Variants in PTPN21 observed in about 807,000 individuals in gnomAD.
PTPN21 encodes the protein protein tyrosine phosphatase non-receptor type 21.
In PTPN21, 77 loss-of-function variants were observed where a neutral mutation model predicts 131.8. The observed-to-expected ratio is 0.58, with a 90% CI of 0.49 to 0.71. The LOEUF is 0.71. PTPN21 is among the 30% of genes least tolerant of loss of function. PTPN21 has a pLI of 0.00. For missense variants in PTPN21, 1,552 were observed against 1,527.1 expected (o/e 1.02, Z -0.27); for synonymous variants, 715 against 621.3 (o/e 1.15, Z -2.24).
At chr14:88,485,046 G>C (rs765854992) in intron 12 of PTPN21, 30 bp downstream of exon 12, 7 of 1,513,142 alleles carry the variant, frequency 4.6e-6, no homozygotes, top group Non-Finnish European at 6.4e-6. Context: ...TCATAACTAT[G>C]TAAGGCATGG....
chr14:88,501,065 T>G (rs1481276037), intron 7 of PTPN21, 194 bp from the exon 8 acceptor site: 1 of 642,262 alleles, frequency 1.6e-6, no homozygotes, highest in East Asian at 2.7e-5. Flanking sequence ...TTGGCCCTCC[T>G]TAGGAACTCT....
In PTPN21 at chr14:88,477,446, TAAAAAAA is replaced by T. The variant is rs59381948; in HGVS notation, c.2511+1467_2511+1473del. Among the ~76,000 whole-genome samples the T allele has an allele frequency of 2.7e-4, 21 of 76,384 alleles. No homozygotes were observed. The South Asian group carries it at 4.8e-3, about 17-fold the overall frequency. 50.1% of individuals were successfully genotyped at this position (76,384 alleles called of 152,430 possible). On this transcript the variant is annotated intron_variant, in intron 13 of 18. Transcript: ENST00000556564. ...CCTGGGCAACAGGGCAAGACTGTTCTAAAAAAAAAAAAAAAAAAAAAAAAGCAAATTT... is the reference window on the plus strand; with the variant it reads ...CCTGGGCAACAGGGCAAGACTGTTCTAAAAAAAAAAAAAAAAAGCAAATTT...
intron 8 of PTPN21, among the ~76,000 whole-genome samples, chr14:88,497,865 C>T (rs375496120): frequency 6.6e-5 from 10 of 151,770 alleles, no homozygotes; most frequent in South Asian, 6.3e-4. Context: ...TTTGGGAGGC[C>T]GAGGCAGGTG....
At chr14:88,500,639 A>AT (rs539856389) in intron 8 of PTPN21, 144 bp downstream of exon 8, 2 of 624,740 alleles carry the variant, frequency 3.2e-6, no homozygotes, top group South Asian at 2.1e-5. Flanking sequence ...TTCAGATGGT[A>AT]TTTTTTTCCT....
chr14:88,494,580 T>C (rs1208584378), intron 10 of PTPN21, among the ~76,000 whole-genome samples: 3 of 152,070 alleles, frequency 2.0e-5, no homozygotes, highest in Admixed American at 6.6e-5. Context: ...GAGGATCACC[T>C]GAGCCCAGGG....
chr14:88,553,468 A>C (rs190094552), intron 1 of PTPN21, among the ~76,000 whole-genome samples: 1 of 152,322 alleles, frequency 6.6e-6, no homozygotes, highest in Admixed American at 6.5e-5. Flanking sequence ...AATAAAACCA[A>C]GATGAGTAGA....
chr14:88,526,283 C>T (rs1409175940), intron 2 of PTPN21, among the ~76,000 whole-genome samples: 1 of 152,114 alleles, frequency 6.6e-6, no homozygotes, highest in African/African-American at 2.4e-5. Context: ...GGCACGGTGG[C>T]TCACATCTAT....
In PTPN21 at chr14:88,479,141, C is replaced by T; in HGVS notation, c.2290G>A (p.Val764Ile). 1.3e-6 allele frequency: 2 copies of T among 1,553,830 alleles called. No homozygotes were observed. The highest frequency in any genetic ancestry group is 1.2e-5 in the South Asian group (1 of 81,206). Reference sequence around the variant, plus strand: ...ATCATCCTCTTCTCCGCGTCTGGGACGTGGGCCTTGGGCTCCAGGATGTGC... The same window carrying T: ...ATCATCCTCTTCTCCGCGTCTGGGATGTGGGCCTTGGGCTCCAGGATGTGC... ...PLHILEPKAH[V>I]PDAEKRMMDS... The change falls in exon 13 of 19, where the codon GTC becomes ATC. Residue 764 changes from valine to isoleucine, a missense_variant. Physicochemically the swap from Val to Ile is conservative, Grantham distance 29. This residue lies in a region of PTPN21 where 1,016 missense variants were observed against 883.5 expected (regional missense o/e 1.15). Coordinates refer to ENST00000556564, the MANE Select transcript of PTPN21 (RefSeq NM_007039.4).
At chr14:88,547,902 A>C (rs2078806293) in intron 2 of PTPN21, among the ~76,000 whole-genome samples, 1 of 151,892 alleles carries the variant, frequency 6.6e-6, no homozygotes, top group Non-Finnish European at 1.5e-5. Flanking sequence ...TCATGCCTGA[A>C]CTCCAGATCA....
At chr14:88,522,456 G>T (rs2078410936) in intron 2 of PTPN21, among the ~76,000 whole-genome samples, 1 of 148,374 alleles carries the variant, frequency 6.7e-6, no homozygotes, top group Non-Finnish European at 1.5e-5. Context: ...AAAAAAGAAA[G>T]GTGGGCTTAG....
At chr14:88,547,521 G>C (rs956410700) in intron 2 of PTPN21, 5 of 327,876 alleles carry the variant, frequency 1.5e-5, no homozygotes, top group Admixed American at 7.9e-5. Context: ...GGGTGTGGTG[G>C]AGTGTACCTG....
intron 1 of PTPN21, chr14:88,552,080 G>A (rs2139372817): frequency 6.6e-6 from 1 of 152,316 alleles, no homozygotes; most frequent in South Asian, 2.1e-4. Flanking sequence ...ACCGCGCGGA[G>A]AGGCAAGATC....
intron 2 of PTPN21, 117 bp from the exon 3 acceptor site, chr14:88,517,378 T>G (rs1318262580): frequency 1.8e-6 from 2 of 1,141,578 alleles, no homozygotes; most frequent in African/African-American, 3.1e-5. Flanking sequence ...TTGCCTTTCT[T>G]CTCAGAGAAG....
At position 88,482,959 on chromosome 14, in the gene PTPN21, A is replaced by G. The variant is rs151116775; in HGVS notation, c.1078+2117T>C. ...GCTGGGCACAGTGGCTCACACCTGTAATCCCCACTTTGGAAGGCCAAGGCA... is the reference window on the plus strand; with the variant it reads ...GCTGGGCACAGTGGCTCACACCTGTGATCCCCACTTTGGAAGGCCAAGGCA... On this transcript the variant is annotated intron_variant, in intron 12 of 18. Coordinates refer to ENST00000556564, the MANE Select transcript of PTPN21 (RefSeq NM_007039.4). Among the ~76,000 whole-genome samples, 301 of 152,068 alleles carry G rather than the reference A, an allele frequency of 2.0e-3. 2 individuals are homozygous for G. Among genetic ancestry groups the G allele is most frequent in the Non-Finnish European group, 3.2e-3 (217 of 68,002 alleles).
intron 10 of PTPN21, among the ~76,000 whole-genome samples, chr14:88,492,478 C>G (rs548295641): frequency 2.0e-5 from 3 of 152,248 alleles, no homozygotes; most frequent in African/African-American, 7.2e-5. Flanking sequence ...TCAGTGCTTA[C>G]GAAAATCCCA....
At chr14:88,470,267 G>A in intron 15 of PTPN21, 1 of 563,584 alleles carries the variant, frequency 1.8e-6, no homozygotes, top group South Asian at 2.2e-5. Flanking sequence ...TAGGTACTGT[G>A]AATATACATA....
rs185641728 is a variant in PTPN21, at chr14:88,538,722, C to A, written c.180+11516G>T. 1.1e-3 allele frequency among the ~76,000 whole-genome samples: 163 copies of A among 152,220 alleles called. 2 individuals carry two copies. In the East Asian group the frequency reaches 0.024, roughly 22 times the overall value. ...CTGTCATTTGTCAAAGGTTATAAAC[C>A]AGGAAGAAAGATGCTGTTCAAGGAG... On this transcript the variant is annotated intron_variant, in intron 2 of 18. Coordinates refer to ENST00000556564, the MANE Select transcript of PTPN21 (RefSeq NM_007039.4).
At chr14:88,526,661 ATTTTTAT>A (rs2078482912) in intron 2 of PTPN21, among the ~76,000 whole-genome samples, 1 of 148,564 alleles carries the variant, frequency 6.7e-6, no homozygotes, top group Admixed American at 6.8e-5. Flanking sequence ...AAATAATTTT[ATTTTTAT>A]TACAATAATT....
intron 2 of PTPN21, among the ~76,000 whole-genome samples, chr14:88,518,310 G>GTA (rs2078320136): frequency 1.2e-5 from 1 of 83,322 alleles, no homozygotes; most frequent in Non-Finnish European, 2.2e-5. Context: ...ACATATATGT[G>GTA]TATATATACG....
Sources: gnomAD v4.1 joint callset for allele counts (sites outside exome capture counted in the v4.1 genomes callset) on GRCh38, gnomAD v4.1.1 for gene constraint, gnomAD v4.1.1 regional missense constraint, MANE v1.5 for transcripts, NCBI Gene and HGNC (gene_info 2026-07-23, HGNC 2026-07-21) for gene names.